Variants in TAB2 observed in about 807,000 individuals in gnomAD.
TAB2 encodes TGF-beta-activated kinase 1 and MAP3K7-binding protein 2.
A neutral mutation model predicts 65.0 loss-of-function variants in TAB2; 3 were observed. The observed-to-expected ratio is 0.05, with a 90% CI of 0.02 to 0.12. The LOEUF (loss-of-function observed/expected upper bound fraction) is 0.12. TAB2 is among the 10% of genes least tolerant of loss of function. The pLI, the probability that TAB2 is intolerant of heterozygous loss-of-function variation, is 1.00. For missense variants in TAB2, 623 were observed against 840.3 expected (o/e 0.74, Z 3.20); for synonymous variants, 298 against 285.1 (o/e 1.05, Z -0.46).
At chr6:149,405,759 G>A (rs1410937136) in intron 6 of TAB2, among the ~76,000 whole-genome samples, 1 of 152,144 alleles carries the variant, frequency 6.6e-6, no homozygotes, top group Admixed American at 6.5e-5. Flanking sequence ...GGTATGGGAA[G>A]ATTGTGGTCG....
At chr6:149,281,555 CAAAAAAAAAAA>C (rs59196897) in intron 1 of TAB2, among the ~76,000 whole-genome samples, 2 of 70,348 alleles carry the variant, frequency 2.8e-5, no homozygotes, top group Non-Finnish European at 3.0e-5. Context: ...GATGCCATCT[CAAAAAAAAAAA>C]AAAAAAAAAA....
chr6:149,327,830 C>A (rs943759969), intron 1 of TAB2, among the ~76,000 whole-genome samples: 3 of 152,078 alleles, frequency 2.0e-5, no homozygotes, highest in Non-Finnish European at 4.4e-5. Context: ...CCACATATGG[C>A]GATTCTGCTT....
intron 1 of TAB2, among the ~76,000 whole-genome samples, chr6:149,303,111 G>C (rs893444813): frequency 6.6e-6 from 1 of 152,218 alleles, no homozygotes; most frequent in African/African-American, 2.4e-5. Flanking sequence ...GGATTATCTA[G>C]GGTTGATGAG....
At chr6:149,253,960 A>AAGAAAGAC (rs1777921404) in intron 1 of TAB2, among the ~76,000 whole-genome samples, 1 of 47,088 alleles carries the variant, frequency 2.1e-5, no homozygotes. Flanking sequence ...AAGAAAGAAA[A>AAGAAAGAC]AGAAAGAAAG....
At chr6:149,295,199 C>T (rs1778853008) in intron 1 of TAB2, among the ~76,000 whole-genome samples, 1 of 152,176 alleles carries the variant, frequency 6.6e-6, no homozygotes, top group Admixed American at 6.5e-5. Flanking sequence ...AGTAGAGCTG[C>T]CGGTGAAGCT....
chr6:149,249,672 T>G (rs1428371718), intron 1 of TAB2, among the ~76,000 whole-genome samples: 1 of 151,914 alleles, frequency 6.6e-6, no homozygotes, highest in African/African-American at 2.4e-5. Context: ...CTCTCTCTCT[T>G]TCTCTCCCTG....
Position 149,400,476 on chromosome 6 carries a change from G to T in TAB2, c.1939+1292G>T, listed in dbSNP as rs776724248. 3.7e-6 allele frequency: 6 copies of T among 1,614,250 alleles called. No homozygotes were observed. The South Asian group carries it at 6.6e-5, about 18-fold the overall frequency. ...GAAGGTGGCGGGACAGGATGGTTCT[G>T]TGGTGCAGTTTAAGATTAAGAGGCA... is the stretch of plus-strand genomic sequence containing the variant. On this transcript the variant is annotated intron_variant, in intron 6 of 6. Transcript: ENST00000637181.
At chr6:149,295,847 A>G (rs570813922) in intron 1 of TAB2, among the ~76,000 whole-genome samples, 18 of 152,072 alleles carry the variant, frequency 1.2e-4, no homozygotes, top group African/African-American at 3.9e-4. Context: ...ATCTCGGCTC[A>G]CTGCAACCTC....
intron 1 of TAB2, chr6:149,218,924 AT>A (rs1777080523): frequency 3.2e-6 from 1 of 310,640 alleles, no homozygotes; most frequent in Non-Finnish European, 6.8e-6. Context: ...TGCCATTGAA[AT>A]CTGTGACTGT....
chr6:149,378,834 T>G lies in TAB2; in HGVS notation c.919T>G (p.Ser307Ala). The G allele has an allele frequency of 6.2e-7, 1 of 1,614,182 alleles. No homozygotes were observed. The highest frequency in any genetic ancestry group is 8.5e-7 in the Non-Finnish European group (1 of 1,180,040). ...TIHSSGSSQSSAHSQYNIQNI... is the reference protein window; with the variant it reads ...TIHSSGSSQSAAHSQYNIQNI... The stretch of plus-strand genomic sequence containing the variant: ...TCATTCATCTGGTAGCTCACAGTCT[T>G]CTGCCCATAGCCAATATAACATTCA... The change falls in exon 3 of 7, where the codon TCT becomes GCT. Residue 307 changes from serine to alanine, a missense_variant. Ser to Ala is a moderately conservative substitution (Grantham distance 99). This residue lies in a region of TAB2 where 550 missense variants were observed against 665.7 expected (regional missense o/e 0.83). Coordinates refer to ENST00000637181, the MANE Select transcript of TAB2 (RefSeq NM_001292034.3).
chr6:149,221,127 G>GTTGAA (rs1777139057), intron 1 of TAB2: 1 of 152,160 alleles, frequency 6.6e-6, no homozygotes, highest in South Asian at 2.1e-4. Flanking sequence ...AAAGCAGCAC[G>GTTGAA]TTTAGCTCAC....
chr6:149,261,172 T>C lies in TAB2; in HGVS notation c.-121+42396T>C, dbSNP rs189000420. 3.9e-5 allele frequency among the ~76,000 whole-genome samples: 6 copies of C among 152,344 alleles called. No individual in the cohort carries two copies. The East Asian group carries it at 9.6e-4, about 24-fold the overall frequency. ...TTTGATTCTTCCACATTTCTATCTA[T>C]AGAAATTTAAGATTTTTTGCTAGCA... On this transcript the variant is annotated intron_variant, in intron 1 of 1. Coordinates refer to the TAB2 transcript ENST00000606202.
chr6:149,242,134 G>C (rs183198580), intron 1 of TAB2, among the ~76,000 whole-genome samples: 9 of 152,260 alleles, frequency 5.9e-5, no homozygotes, highest in African/African-American at 2.2e-4. Context: ...TCCCACATAT[G>C]TGTATTGAAA....
chr6:149,249,444 G>GTC (rs1052572490), intron 1 of TAB2, among the ~76,000 whole-genome samples: 2 of 151,844 alleles, frequency 1.3e-5, no homozygotes, highest in Non-Finnish European at 2.9e-5. Context: ...CTCCATCTCT[G>GTC]TCTCTCTCTG....
intron 1 of TAB2, among the ~76,000 whole-genome samples, chr6:149,364,467 G>A (rs899613686): frequency 1.6e-4 from 25 of 152,026 alleles, no homozygotes; most frequent in Admixed American, 1.1e-3. Flanking sequence ...GCAGCAGACC[G>A]AGTGCAGAAG....
At chr6:149,388,838 TTTTTAC>T (rs1267914136) in intron 3 of TAB2, among the ~76,000 whole-genome samples, 2 of 152,178 alleles carry the variant, frequency 1.3e-5, no homozygotes, top group African/African-American at 2.4e-5. Context: ...CCTTATAAAT[TTTTTAC>T]TTTTACATAT....
At chr6:149,246,669 G>A (rs1252759852) in intron 1 of TAB2, 1 of 152,142 alleles carries the variant, frequency 6.6e-6, no homozygotes, top group Admixed American at 6.6e-5. Context: ...AGAAGAGCTG[G>A]GCGCTCTTTT....
intron 1 of TAB2, among the ~76,000 whole-genome samples, chr6:149,359,103 T>C (rs1221504070): frequency 6.6e-6 from 1 of 152,194 alleles, no homozygotes; most frequent in East Asian, 1.9e-4. Context: ...CATTCTTAGA[T>C]ATTAATCATC....
chr6:149,230,884 G>A (rs369783465), intron 1 of TAB2, among the ~76,000 whole-genome samples: 6 of 152,268 alleles, frequency 3.9e-5, no homozygotes, highest in Admixed American at 1.3e-4. Context: ...CTGCTATTCT[G>A]GCATTTTAGG....
Sources: allele counts gnomAD v4.1 joint callset (sites outside exome capture counted in the v4.1 genomes callset), GRCh38; gene constraint gnomAD v4.1.1; regional missense constraint gnomAD v4.1.1; transcripts MANE v1.5; gene names NCBI Gene and HGNC (gene_info 2026-07-23, HGNC 2026-07-21).